The following CACNA2D1 variants were observed in gnomAD, a reference collection of about 807,000 sequenced individuals.
CACNA2D1 encodes the protein calcium voltage-gated channel auxiliary subunit alpha2delta 1.
In CACNA2D1, 53 loss-of-function variants were observed where a neutral mutation model predicts 171.5. The ratio of observed to expected loss-of-function variants is 0.31; its 90% CI spans 0.25 to 0.39. CACNA2D1 has a LOEUF of 0.39. CACNA2D1 is among the 10% of genes least tolerant of loss of function. The pLI, the probability that CACNA2D1 is intolerant of heterozygous loss-of-function variation, is 1.00. For synonymous variants in CACNA2D1, 442 were observed against 443.1 expected, an observed-to-expected ratio of 1.00 and a Z score of 0.03; for missense variants, 903 against 1,299.8, an observed-to-expected ratio of 0.69 and a Z score of 4.69.
At chr7:82,177,359 T>C (rs1395483669) in intron 3 of CACNA2D1, among the ~76,000 whole-genome samples, 3 of 152,080 alleles carry the variant, frequency 2.0e-5, no homozygotes, top group Non-Finnish European at 2.9e-5. Context: ...AATATGTAAA[T>C]ATCATCTGAT....
chr7:82,276,459 T>C (rs535051413), intron 3 of CACNA2D1, among the ~76,000 whole-genome samples: 109 of 152,212 alleles, frequency 7.2e-4, no homozygotes, highest in South Asian at 6.2e-4. Flanking sequence ...AGGGCAGCAA[T>C]AGCCAGTTTG....
intron 4 of CACNA2D1, among the ~76,000 whole-genome samples, chr7:82,146,371 TATAC>T (rs1039741831): frequency 3.2e-4 from 47 of 146,784 alleles, no homozygotes; most frequent in Admixed American, 1.4e-3. Context: ...TATCTTTACA[TATAC>T]ATATTTATAT....
At chr7:82,207,234 G>A (rs202047899) in intron 3 of CACNA2D1, among the ~76,000 whole-genome samples, 3 of 152,158 alleles carry the variant, frequency 2.0e-5, no homozygotes, top group Admixed American at 6.6e-5. Context: ...GCACATGATC[G>A]CTCCCAGGTC....
chr7:81,965,778 C>T, intron 31 of CACNA2D1, 113 bp from the exon 32 acceptor site: 1 of 725,286 alleles, frequency 1.4e-6, no homozygotes, highest in South Asian at 1.4e-5. Context: ...TTTTAAATGC[C>T]TATCTTCTCT....
chr7:82,091,646 T>C (rs796398744), intron 6 of CACNA2D1, among the ~76,000 whole-genome samples: 6 of 152,290 alleles, frequency 3.9e-5, no homozygotes, highest in African/African-American at 1.4e-4. Flanking sequence ...TGAAATAAAA[T>C]GATAATTGTA....
chr7:82,055,394 C>T (rs1805703023), intron 10 of CACNA2D1, among the ~76,000 whole-genome samples: 1 of 152,006 alleles, frequency 6.6e-6, no homozygotes, highest in Admixed American at 6.6e-5. Context: ...ACCATTTGAC[C>T]CAGCCATCCC....
intron 6 of CACNA2D1, among the ~76,000 whole-genome samples, chr7:82,099,743 C>T (rs1476228496): frequency 6.6e-6 from 1 of 151,546 alleles, no homozygotes; most frequent in East Asian, 1.9e-4. Context: ...GCCACCGCGC[C>T]CGGCCGCAAT....
At chr7:82,063,546 A>G (rs1358960876) in intron 9 of CACNA2D1, among the ~76,000 whole-genome samples, 1 of 151,770 alleles carries the variant, frequency 6.6e-6, no homozygotes, top group Non-Finnish European at 1.5e-5. Context: ...GTTTCTTCCA[A>G]TGAGACAAAG....
intron 3 of CACNA2D1, among the ~76,000 whole-genome samples, chr7:82,249,784 C>A (rs1024412556): frequency 6.6e-6 from 1 of 152,224 alleles, no homozygotes; most frequent in African/African-American, 2.4e-5. Context: ...CTGAACCAAT[C>A]AGAACCTATC....
At chr7:82,216,439 T>G (rs1457009273) in intron 3 of CACNA2D1, among the ~76,000 whole-genome samples, 1 of 152,206 alleles carries the variant, frequency 6.6e-6, no homozygotes, top group Non-Finnish European at 1.5e-5. Flanking sequence ...TTCATTATAC[T>G]GTTTAACTTT....
intron 3 of CACNA2D1, among the ~76,000 whole-genome samples, chr7:82,266,423 G>C (rs1807860877): frequency 6.6e-6 from 1 of 152,124 alleles, no homozygotes; most frequent in South Asian, 2.1e-4. Flanking sequence ...TAGAAATATA[G>C]CAGTATGGAA....
intron 10 of CACNA2D1, among the ~76,000 whole-genome samples, chr7:82,046,637 T>C (rs1804590929): frequency 6.6e-6 from 1 of 152,134 alleles, no homozygotes; most frequent in Non-Finnish European, 1.5e-5. Context: ...TAAAATTATA[T>C]AATTTACATC....
intron 3 of CACNA2D1, among the ~76,000 whole-genome samples, chr7:82,287,129 C>T (rs1021855555): frequency 4.6e-5 from 7 of 152,086 alleles, no homozygotes; most frequent in African/African-American, 7.2e-5. Flanking sequence ...TGACAATTAG[C>T]GCCAATGTAT....
In CACNA2D1 at chr7:82,378,131, C is replaced by T. The variant is rs545881609; in HGVS notation, c.96-28482G>A. Among the ~76,000 whole-genome samples, 19 of 152,222 alleles carry T rather than the reference C, an allele frequency of 1.2e-4. No individual in the cohort carries two copies. The South Asian group carries it at 2.1e-3, about 17-fold the overall frequency. The stretch of plus-strand genomic sequence containing the variant: ...AGAATATTAAGGCTGGGTGTGGTGG[C>T]GCATGCTTGTAATTCCAGCACTTTG... On this transcript the variant is annotated intron_variant, in intron 1 of 38. Transcript: ENST00000356860.
intron 10 of CACNA2D1, among the ~76,000 whole-genome samples, chr7:82,057,566 G>A (rs370987732): frequency 3.3e-5 from 5 of 150,016 alleles, no homozygotes; most frequent in African/African-American, 2.4e-5. Flanking sequence ...AGACCTACAA[G>A]AAAAAAAAAA....
At chr7:81,978,351 T>A (rs1429458730) in intron 24 of CACNA2D1, among the ~76,000 whole-genome samples, 1 of 152,060 alleles carries the variant, frequency 6.6e-6, no homozygotes, top group Admixed American at 6.6e-5. Context: ...TGATCAATGA[T>A]ATAGACTGGA....
chr7:82,256,103 C>G (rs981351885), intron 3 of CACNA2D1, among the ~76,000 whole-genome samples: 1 of 152,016 alleles, frequency 6.6e-6, no homozygotes, highest in Non-Finnish European at 1.5e-5. Context: ...ATGGTGAAAC[C>G]CCATCTCTTA....
At chr7:82,231,242 G>A (rs142721873) in intron 3 of CACNA2D1, among the ~76,000 whole-genome samples, 4 of 152,324 alleles carry the variant, frequency 2.6e-5, no homozygotes, top group African/African-American at 9.6e-5. Context: ...TACCTGCTCT[G>A]GGAACACAGA....
intron 10 of CACNA2D1, among the ~76,000 whole-genome samples, chr7:82,059,756 A>T (rs1806377155): frequency 1.3e-5 from 2 of 151,600 alleles, no homozygotes; most frequent in African/African-American, 2.4e-5. Context: ...CAGATGTCCA[A>T]CAATGATAGA....
Sources: allele counts gnomAD v4.1 joint callset (sites outside exome capture counted in the v4.1 genomes callset), GRCh38; gene constraint gnomAD v4.1.1; transcripts MANE v1.5; gene names NCBI Gene and HGNC (gene_info 2026-07-23, HGNC 2026-07-21).